The following TCF3 variants were observed in gnomAD, a reference collection of about 807,000 sequenced individuals.
TCF3 encodes the protein transcription factor 3.
TCF3 carries 54 observed loss-of-function variants against 72.3 expected under a neutral mutation model. The ratio of observed to expected loss-of-function variants is 0.75; its 90% CI spans 0.60 to 0.94. TCF3 has a LOEUF of 0.94. TCF3 is among the 40% of genes least tolerant of loss of function. The pLI is 0.00. For missense variants in TCF3, 1,078 were observed against 934.4 expected, an observed-to-expected ratio of 1.15 and a Z score of -2.00; for synonymous variants, 525 against 412.6, an observed-to-expected ratio of 1.27 and a Z score of -3.30.
At position 1,614,426 on chromosome 19, in the gene TCF3, G is replaced by C. The variant is rs143460627; in HGVS notation, c.1822+859C>G. ...GCTCGGGCAGCAAGTGCGAGGTGAG[G>C]AGGGGCTGCCACGGGAAGCAGAGGG... On this transcript the variant is annotated intron_variant, in intron 18 of 18. Transcript: ENST00000262965. This position sits in a 1 kb window ranked among gnomAD's most constrained non-coding sequence, Gnocchi z 5.6. Among the ~76,000 whole-genome samples the C allele has an allele frequency of 6.6e-6, 1 of 152,342 alleles. No individual in the cohort carries two copies. The highest frequency in any genetic ancestry group is 1.9e-4 in the East Asian group (1 of 5,186).
chr19:1,609,350 G>C lies in TCF3; in HGVS notation c.*2357C>G, dbSNP rs1259744096. On this transcript the variant is annotated 3_prime_UTR_variant, in exon 19 of 19. Coordinates refer to ENST00000262965, the MANE Select transcript of TCF3 (RefSeq NM_003200.5). Reference sequence around the variant, plus strand: ...GCTGTTATATACAGGACAGGTCTCTGAATCCACCTGAAAGAGGGTCGTTTT... The same window carrying C: ...GCTGTTATATACAGGACAGGTCTCTCAATCCACCTGAAAGAGGGTCGTTTT... The C allele has an allele frequency of 5.0e-6, 1 of 199,022 alleles. No homozygotes were observed. The highest frequency in any genetic ancestry group is 1.0e-5 in the Non-Finnish European group (1 of 96,544). The allele number at this position is 199,022 out of a possible 1,614,324, so 12.3% of individuals were successfully genotyped here.
intron 8 of TCF3, among the ~76,000 whole-genome samples, chr19:1,622,953 G>C (rs2062427807): frequency 6.6e-6 from 1 of 152,192 alleles, no homozygotes; most frequent in African/African-American, 2.4e-5. Flanking sequence ...TGCTGTGCTG[G>C]AGCGGGAAGT....
In TCF3 at chr19:1,614,044, T is replaced by C. The variant is rs1404162431; in HGVS notation, c.1822+1241A>G. 6.6e-6 allele frequency among the ~76,000 whole-genome samples: 1 copy of C among 152,252 alleles called. No homozygotes were observed. The highest frequency in any genetic ancestry group is 2.4e-5 in the African/African-American group (1 of 41,470). ...CATGGCCCTGCATGGGTGACCTCGC[T>C]CTGTTCCCTGGCTTCCTACTTGGTA... On this transcript the variant is annotated intron_variant, in intron 18 of 18. Coordinates refer to ENST00000262965, the MANE Select transcript of TCF3 (RefSeq NM_003200.5). This position sits in a 1 kb window ranked among gnomAD's most constrained non-coding sequence, Gnocchi z 5.6.
chr19:1,612,828 G>T (rs1240849620), intron 18 of TCF3, among the ~76,000 whole-genome samples: 1 of 150,232 alleles, frequency 6.7e-6, no homozygotes, highest in African/African-American at 2.4e-5. Flanking sequence ...GCTGGTGTCA[G>T]GCACTGCAGT....
At chr19:1,645,084 A>T (rs1167303134) in intron 3 of TCF3, among the ~76,000 whole-genome samples, 1 of 152,060 alleles carries the variant, frequency 6.6e-6, no homozygotes, top group Non-Finnish European at 1.5e-5. Context: ...CAGTGGGGGC[A>T]GCAAAGCGAT....
chr19:1,636,217 T>A (rs1433468838), intron 3 of TCF3, among the ~76,000 whole-genome samples: 1 of 152,030 alleles, frequency 6.6e-6, no homozygotes, highest in Non-Finnish European at 1.5e-5. Flanking sequence ...TGGAGTGCAG[T>A]GGTGCGATCT....
chr19:1,649,156 C>T (rs756538235), intron 2 of TCF3, among the ~76,000 whole-genome samples: 4 of 152,226 alleles, frequency 2.6e-5, no homozygotes, highest in Admixed American at 6.5e-5. Flanking sequence ...CTGCCTGCTC[C>T]GCAGTGATAA....
At chr19:1,618,486 G>A (rs563421942) in intron 16 of TCF3, among the ~76,000 whole-genome samples, 9 of 151,564 alleles carry the variant, frequency 5.9e-5, no homozygotes, top group Middle Eastern at 6.8e-3. Flanking sequence ...ACAAGGCCCC[G>A]CATGACCTGC....
At chr19:1,631,728 G>A (rs951145141) in intron 5 of TCF3, among the ~76,000 whole-genome samples, 8 of 152,314 alleles carry the variant, frequency 5.3e-5, no homozygotes, top group Non-Finnish European at 8.8e-5. Context: ...AGGCCAGCCC[G>A]GCTGACCCCT....
chr19:1,630,665 G>A lies in TCF3; in HGVS notation c.298+1373C>T, dbSNP rs76519916. Among the ~76,000 whole-genome samples the A allele has an allele frequency of 8.1e-3, 1,234 of 152,254 alleles. 8 individuals are homozygous for A. Among genetic ancestry groups the A allele is most frequent in the Non-Finnish European group, 0.013 (912 of 68,012 alleles). ...AGCAGAAACACTGCCTCAAACCGTC[G>A]GGTTCCAGAGAAGGGAAGGATCCCG... is the stretch of plus-strand genomic sequence containing the variant. On this transcript the variant is annotated intron_variant, in intron 5 of 18. Coordinates refer to ENST00000262965, the MANE Select transcript of TCF3 (RefSeq NM_003200.5).
At chr19:1,627,001 G>A (rs1445391682) in intron 6 of TCF3, among the ~76,000 whole-genome samples, 1 of 152,196 alleles carries the variant, frequency 6.6e-6, no homozygotes, top group Non-Finnish European at 1.5e-5. Flanking sequence ...CAGGGCCAGC[G>A]TGGGTGAGGA....
chr19:1,639,925 T>C (rs953225863), intron 3 of TCF3, among the ~76,000 whole-genome samples: 9 of 151,514 alleles, frequency 5.9e-5, no homozygotes, highest in African/African-American at 2.2e-4. Context: ...ACCAAAAACT[T>C]TAGAAAGAGA....
chr19:1,638,562 T>G lies in TCF3; in HGVS notation c.146-6157A>C, dbSNP rs1026406434. 6.6e-5 allele frequency among the ~76,000 whole-genome samples: 10 copies of G among 152,192 alleles called. 1 individual carries two copies. Among genetic ancestry groups the G allele is most frequent in the Non-Finnish European group, 1.5e-4 (10 of 68,038 alleles). On this transcript the variant is annotated intron_variant, in intron 3 of 18. Coordinates refer to ENST00000262965, the MANE Select transcript of TCF3 (RefSeq NM_003200.5). ...ACAATGTTTTTTAAAAGTAGCAATT[T>G]ATTGGTAGCAAATACCAGCAGGGAA... is the stretch of plus-strand genomic sequence containing the variant.
Position 1,615,187 on chromosome 19 carries a change from G to T in TCF3, c.1822+98C>A. On this transcript the variant is annotated intron_variant, in intron 18 of 18. Transcript: ENST00000262965. This position sits in a 1 kb window ranked among gnomAD's most constrained non-coding sequence, Gnocchi z 7.3. ...AAGGAGGCAACTGCTGCAGAGGGAGGGCTGGCTCCAGGAAGGCGGGCGGGG... is the reference window on the plus strand; with the variant it reads ...AAGGAGGCAACTGCTGCAGAGGGAGTGCTGGCTCCAGGAAGGCGGGCGGGG... 1 of 1,415,590 alleles carries T rather than the reference G, an allele frequency of 7.1e-7. No homozygotes were observed. Among genetic ancestry groups the T allele is most frequent in the Non-Finnish European group, 9.4e-7 (1 of 1,064,864 alleles). The allele number at this position is 1,415,590 out of a possible 1,614,324, so 87.7% of individuals were successfully genotyped here.
chr19:1,630,291 A>G (rs1163784813), intron 5 of TCF3, among the ~76,000 whole-genome samples: 1 of 152,164 alleles, frequency 6.6e-6, no homozygotes, highest in Non-Finnish European at 1.5e-5. Context: ...CCGTAAGGGG[A>G]ACGGGCAGAA....
At chr19:1,646,047 CCACA>C (rs1368908217) in intron 3 of TCF3, among the ~76,000 whole-genome samples, 1 of 152,138 alleles carries the variant, frequency 6.6e-6, no homozygotes, top group East Asian at 1.9e-4. Context: ...AGATCCCCAC[CCACA>C]CACAGGCCCA....
intron 5 of TCF3, among the ~76,000 whole-genome samples, chr19:1,631,408 A>AT (rs1395061281): frequency 1.3e-5 from 2 of 151,998 alleles, no homozygotes; most frequent in African/African-American, 4.8e-5. Flanking sequence ...AGTTGGCACT[A>AT]TAAGCATCCA....
chr19:1,612,695 CAGCAGTGCGGGTACACGGCTGGTGT>C (rs2061141607), intron 18 of TCF3, among the ~76,000 whole-genome samples: 1 of 150,010 alleles, frequency 6.7e-6, no homozygotes, highest in East Asian at 2.0e-4. Context: ...TTGGTGTGGG[CAGCAGTGCGGGTACACGGCTGGTGT>C]GGGTGTGGGC....
At chr19:1,612,559 C>T (rs1034771176) in intron 18 of TCF3, 11 of 916,302 alleles carry the variant, frequency 1.2e-5, no homozygotes, top group South Asian at 6.4e-5. Flanking sequence ...TGTGGGTACA[C>T]GGCTGGTGTT....
Sources: gnomAD v4.1 joint callset for allele counts (sites outside exome capture counted in the v4.1 genomes callset) on GRCh38, gnomAD v4.1.1 for gene constraint, Gnocchi (gnomAD v3.1) non-coding constraint, MANE v1.5 for transcripts, NCBI Gene and HGNC (gene_info 2026-07-23, HGNC 2026-07-21) for gene names.